Variants in MAGI1 observed in about 807,000 individuals in gnomAD.
The protein encoded by MAGI1 is membrane associated guanylate kinase, WW and PDZ domain containing 1.
A neutral mutation model predicts 139.9 loss-of-function variants in MAGI1; 58 were observed. That is an observed-to-expected ratio of 0.41 (90% CI 0.34 to 0.52). The LOEUF (loss-of-function observed/expected upper bound fraction) is 0.52, where lower values mean the gene tolerates loss of function less well. Ranked by LOEUF, MAGI1 falls within the 20% of genes least tolerant of loss-of-function variation. The probability of loss-of-function intolerance (pLI) is 0.12; values close to 1 mark genes in which losing one functional copy is unlikely to be tolerated. For synonymous variants in MAGI1, 812 were observed against 737.9 expected, an observed-to-expected ratio of 1.10 and a Z score of -1.63; for missense variants, 1,874 against 1,901.6, an observed-to-expected ratio of 0.99 and a Z score of 0.27.
At chr3:65,459,864 G>A (rs2107529109) in intron 5 of MAGI1, among the ~76,000 whole-genome samples, 1 of 152,220 alleles carries the variant, frequency 6.6e-6, no homozygotes, top group South Asian at 2.1e-4. Context: ...AGTTAAGACT[G>A]CAGTGAGCTG....
chr3:65,695,990 A>G (rs6804611), intron 1 of MAGI1, among the ~76,000 whole-genome samples: 30,509 of 152,108 alleles, frequency 0.2, 5,574 homozygotes, highest in African/African-American at 0.46. Flanking sequence ...ATGCTATCAC[A>G]ACACTTCTCA....
chr3:65,904,163 C>T (rs2108636183), intron 1 of MAGI1, among the ~76,000 whole-genome samples: 1 of 152,244 alleles, frequency 6.6e-6, no homozygotes, highest in Middle Eastern at 3.4e-3. Context: ...CAACTAATTC[C>T]AGACAGTAAT....
Position 65,661,745 on chromosome 3 carries a change from G to GTTTTTTTTTTTTTTT in MAGI1, c.314-39672_314-39658dup, listed in dbSNP as rs11369893. ...TTTTTTTGTTGTTTTGTTTTTTTCT[G>GTTTTTTTTTTTTTTT]TTTTTTTTTTTTTTTTTTTTGAGAT... On this transcript the variant is annotated intron_variant, in intron 1 of 22. Coordinates refer to ENST00000402939, the MANE Select transcript of MAGI1 (RefSeq NM_001033057.2). Among the ~76,000 whole-genome samples the GTTTTTTTTTTTTTTT allele has an allele frequency of 4.5e-4, 42 of 93,922 alleles. 2 individuals are homozygous for GTTTTTTTTTTTTTTT. The highest frequency in any genetic ancestry group is 1.5e-3 in the African/African-American group (36 of 23,648). The allele number at this position is 93,922 out of a possible 152,430, so 61.6% of individuals were successfully genotyped here.
chr3:65,830,009 G>T (rs75763991), intron 1 of MAGI1, among the ~76,000 whole-genome samples: 267 of 152,232 alleles, frequency 1.8e-3, no homozygotes, highest in African/African-American at 6.2e-3. Flanking sequence ...CTACATACAC[G>T]TGAAAAATGA....
chr3:65,373,321 A>G (rs1942183814), intron 18 of MAGI1, among the ~76,000 whole-genome samples: 1 of 152,204 alleles, frequency 6.6e-6, no homozygotes, highest in South Asian at 2.1e-4. Context: ...GTCAGAACAC[A>G]TATGACATTT....
chr3:65,515,770 T>G (rs531758183), intron 2 of MAGI1, among the ~76,000 whole-genome samples: 1 of 152,344 alleles, frequency 6.6e-6, no homozygotes, highest in African/African-American at 2.4e-5. Context: ...CACTTCAGGC[T>G]TCATTGTAAT....
rs573777796 is a variant in MAGI1 at position 65,551,576 on chromosome 3, A to G, written c.431-57945T>C. ...CGGCCTCCCAAAGTGCTGGGATTAC[A>G]GGCGTGAGCCACCACGCCCGGCCCA... On this transcript the variant is annotated intron_variant, in intron 2 of 22. Transcript: ENST00000402939. 7.2e-3 allele frequency among the ~76,000 whole-genome samples: 1,093 copies of G among 152,314 alleles called. 14 individuals are homozygous for G. Among genetic ancestry groups the G allele is most frequent in the African/African-American group, 0.025 (1,049 of 41,574 alleles).
At chr3:65,373,403 C>A (rs973629132) in intron 18 of MAGI1, among the ~76,000 whole-genome samples, 2 of 152,102 alleles carry the variant, frequency 1.3e-5, no homozygotes, top group African/African-American at 4.8e-5. Context: ...TCAGAGATCA[C>A]AGGTCATCAC....
intron 1 of MAGI1, among the ~76,000 whole-genome samples, chr3:65,640,255 G>A (rs978916182): frequency 1.3e-5 from 2 of 152,010 alleles, no homozygotes; most frequent in African/African-American, 4.8e-5. Context: ...TTTCTCTAGG[G>A]AACACTGACT....
intron 1 of MAGI1, among the ~76,000 whole-genome samples, chr3:65,841,201 CTATTT>C (rs2058790498): frequency 6.6e-6 from 1 of 151,918 alleles, no homozygotes; most frequent in African/African-American, 2.4e-5. Context: ...AGATAACCGT[CTATTT>C]TATTGAACTT....
At chr3:65,384,626 C>T (rs1256194110) in intron 14 of MAGI1, among the ~76,000 whole-genome samples, 3 of 151,950 alleles carry the variant, frequency 2.0e-5, no homozygotes, top group African/African-American at 7.3e-5. Flanking sequence ...CCTAGCTATT[C>T]GGGAGCTGAG....
intron 3 of MAGI1, among the ~76,000 whole-genome samples, chr3:65,480,085 T>C (rs9817894): frequency 6.6e-6 from 1 of 151,176 alleles, no homozygotes; most frequent in African/African-American, 2.4e-5. Context: ...ACACACTGTA[T>C]CTTCCTAAGG....
At chr3:65,921,558 C>A (rs994074004) in intron 1 of MAGI1, among the ~76,000 whole-genome samples, 1 of 152,028 alleles carries the variant, frequency 6.6e-6, no homozygotes, top group Non-Finnish European at 1.5e-5. Flanking sequence ...GATCCTCCCA[C>A]CTCAGCCTCC....
chr3:65,810,805 A>G (rs1323361143), intron 1 of MAGI1, among the ~76,000 whole-genome samples: 1 of 152,226 alleles, frequency 6.6e-6, no homozygotes, highest in East Asian at 1.9e-4. Context: ...TTCATGGTGC[A>G]CACACACCTC....
At chr3:65,431,723 A>C (rs1456189123) in intron 10 of MAGI1, among the ~76,000 whole-genome samples, 1 of 152,108 alleles carries the variant, frequency 6.6e-6, no homozygotes, top group Admixed American at 6.6e-5. Flanking sequence ...GTGGTGGCTC[A>C]TGCCTGTAAT....
chr3:65,589,670 T>A (rs532541811), intron 2 of MAGI1, among the ~76,000 whole-genome samples: 65 of 151,724 alleles, frequency 4.3e-4, no homozygotes, highest in African/African-American at 1.5e-3. Flanking sequence ...CTGTCACAAC[T>A]ACTCAACACT....
intron 1 of MAGI1, among the ~76,000 whole-genome samples, chr3:65,812,803 T>C (rs2041360546): frequency 6.9e-6 from 1 of 145,314 alleles, no homozygotes; most frequent in Admixed American, 7.1e-5. Context: ...CTCCGCCTCC[T>C]GGGTTGAAGC....
intron 1 of MAGI1, among the ~76,000 whole-genome samples, chr3:65,658,421 T>C (rs1490821509): frequency 6.6e-6 from 1 of 152,232 alleles, no homozygotes; most frequent in East Asian, 1.9e-4. Context: ...TTAAAATGTT[T>C]AGTTGCTCTG....
At chr3:65,779,967 T>G (rs2038795903) in intron 1 of MAGI1, among the ~76,000 whole-genome samples, 1 of 147,126 alleles carries the variant, frequency 6.8e-6, no homozygotes. Flanking sequence ...CTAACACATT[T>G]GACAAACTTG....
Sources: gnomAD v4.1 joint callset for allele counts (sites outside exome capture counted in the v4.1 genomes callset) on GRCh38, gnomAD v4.1.1 for gene constraint, MANE v1.5 for transcripts, NCBI Gene and HGNC (gene_info 2026-07-23, HGNC 2026-07-21) for gene names.